The following ADAMTS17 variants were observed in gnomAD, a reference collection of about 807,000 sequenced individuals.
The protein encoded by ADAMTS17 is A disintegrin and metalloproteinase with thrombospondin motifs 17.
In ADAMTS17, 113 loss-of-function variants were observed where a neutral mutation model predicts 141.5. The ratio of observed to expected loss-of-function variants is 0.80; its 90% CI spans 0.69 to 0.93. The LOEUF (loss-of-function observed/expected upper bound fraction) is 0.93. Among genes scored for constraint, ADAMTS17 ranks in the 40% least tolerant of loss-of-function variants. The pLI, the probability that ADAMTS17 is intolerant of heterozygous loss-of-function variation, is 0.00. For synonymous variants in ADAMTS17, 768 were observed against 630.6 expected (o/e 1.22, Z -3.27); for missense variants, 1,659 against 1,517.9 (o/e 1.09, Z -1.54).
Position 100,108,995 on chromosome 15 carries a change from CT to C in ADAMTS17, c.2009del (p.Lys670SerfsTer33). On this transcript the variant is annotated frameshift_variant, in exon 14 of 22. Transcript: ENST00000268070. LOFTEE classifies it high-confidence loss of function. ...CGAAGGAGAAGTACGTCACCTGGCA[CT>C]TGCCGTGCACGCAGAGATCAGTCTC... is the stretch of plus-strand genomic sequence containing the variant. ...PYETDLCVHG[K>X]CQKIGCDGII... 1 of 1,614,050 alleles carries C rather than the reference CT, an allele frequency of 6.2e-7. No individual in the cohort carries two copies. The highest frequency in any genetic ancestry group is 8.5e-7 in the Non-Finnish European group (1 of 1,180,024).
chr15:100,065,728 A>G (rs2033469753), intron 15 of ADAMTS17, among the ~76,000 whole-genome samples: 1 of 152,096 alleles, frequency 6.6e-6, no homozygotes, highest in African/African-American at 2.4e-5. Flanking sequence ...TTTTACTTTA[A>G]GTTCTGGGAT....
rs146884023 is a variant in ADAMTS17 at position 100,233,174 on chromosome 15, C to T, written c.1075+20962G>A. ...TGAAATCCCGTCTCTACTAAAAAGA[C>T]AAAAAATGAGTCGGGCGTGGGGACG... On this transcript the variant is annotated intron_variant, in intron 7 of 21. Coordinates refer to ENST00000268070, the MANE Select transcript of ADAMTS17 (RefSeq NM_139057.4). Among the ~76,000 whole-genome samples the T allele has an allele frequency of 1.9e-3, 285 of 152,102 alleles. 7 individuals carry two copies. In the East Asian group the frequency reaches 0.046, roughly 24 times the overall value.
At chr15:100,005,108 C>T (rs897821765) in intron 18 of ADAMTS17, among the ~76,000 whole-genome samples, 9 of 152,212 alleles carry the variant, frequency 5.9e-5, no homozygotes, top group South Asian at 2.1e-4. Flanking sequence ...ATTCAGGGCA[C>T]CCCTTCTCCT....
intron 18 of ADAMTS17, among the ~76,000 whole-genome samples, chr15:99,999,811 C>T (rs116678727): frequency 0.013 from 1,980 of 152,196 alleles, 40 homozygotes; most frequent in African/African-American, 0.044. Flanking sequence ...ACTGGGGTGG[C>T]GCCGGCATCT....
intron 14 of ADAMTS17, among the ~76,000 whole-genome samples, chr15:100,102,420 CCGAAGGGGA>C (rs2036163397): frequency 1.3e-5 from 1 of 79,120 alleles, no homozygotes; most frequent in Admixed American, 1.3e-4. Flanking sequence ...TGAGGGCCGA[CCGAAGGGGA>C]TCTACATTTG....
In ADAMTS17 at chr15:100,152,047, T is replaced by C. The variant is rs560991334; in HGVS notation, c.1473+565A>G. Among the ~76,000 whole-genome samples, 19 of 152,306 alleles carry C rather than the reference T, an allele frequency of 1.2e-4. No individual in the cohort carries two copies. In the South Asian group the frequency reaches 2.1e-3, roughly 17 times the overall value. ...TCTCGGGAGCCATGGTGAAGACTAA[T>C]TGGGATCACACATGTTGGAAGCGTT... On this transcript the variant is annotated intron_variant, in intron 10 of 21. Transcript: ENST00000268070.
chr15:100,063,180 A>G (rs1478278496), intron 15 of ADAMTS17, among the ~76,000 whole-genome samples: 1 of 152,238 alleles, frequency 6.6e-6, no homozygotes, highest in Non-Finnish European at 1.5e-5. Flanking sequence ...GCTGGCCACT[A>G]GGAATTTGGG....
chr15:100,108,697 C>G (rs1460658948), intron 14 of ADAMTS17, among the ~76,000 whole-genome samples: 1 of 152,168 alleles, frequency 6.6e-6, no homozygotes, highest in East Asian at 1.9e-4. Flanking sequence ...ATCTTAGTAC[C>G]CTGCCTACCT....
chr15:100,046,341 G>A (rs10153001), intron 18 of ADAMTS17, among the ~76,000 whole-genome samples: 11,388 of 152,180 alleles, frequency 0.075, 1,384 homozygotes, highest in African/African-American at 0.25. Flanking sequence ...AAGCCAGGGC[G>A]TACTGTGAGA....
intron 14 of ADAMTS17, among the ~76,000 whole-genome samples, chr15:100,100,392 C>G (rs1407204029): frequency 6.6e-6 from 1 of 152,166 alleles, no homozygotes; most frequent in East Asian, 1.9e-4. Context: ...AGCTCTTAAG[C>G]CCACTTCTCC....
intron 15 of ADAMTS17, among the ~76,000 whole-genome samples, chr15:100,057,612 T>C (rs142469450): frequency 2.0e-5 from 3 of 152,142 alleles, no homozygotes; most frequent in East Asian, 3.8e-4. Flanking sequence ...CTTTAAGCAA[T>C]GGTACCCAGG....
intron 8 of ADAMTS17, among the ~76,000 whole-genome samples, chr15:100,171,126 G>C (rs895671189): frequency 3.3e-5 from 5 of 152,092 alleles, no homozygotes; most frequent in Admixed American, 3.3e-4. Context: ...AGTTGGAGGA[G>C]GGGATTAGCC....
At chr15:100,199,559 C>G in intron 7 of ADAMTS17, 136 bp from the exon 8 acceptor site, 1 of 780,860 alleles carries the variant, frequency 1.3e-6, no homozygotes, top group Non-Finnish European at 2.3e-6. Flanking sequence ...CCTCAGCCCA[C>G]CTGGGAAGGG....
At chr15:100,222,895 T>C (rs796523291) in intron 7 of ADAMTS17, among the ~76,000 whole-genome samples, 1 of 152,312 alleles carries the variant, frequency 6.6e-6, no homozygotes, top group African/African-American at 2.4e-5. Flanking sequence ...CAATGGTCTT[T>C]TGAATTGTGT....
chr15:100,240,458 C>T (rs898100933), intron 7 of ADAMTS17, among the ~76,000 whole-genome samples: 9 of 152,190 alleles, frequency 5.9e-5, no homozygotes, highest in Non-Finnish European at 8.8e-5. Context: ...AAAGCTTTGT[C>T]CTCCCACTCT....
chr15:100,243,952 T>C (rs979261267), intron 7 of ADAMTS17, among the ~76,000 whole-genome samples: 1 of 152,074 alleles, frequency 6.6e-6, no homozygotes, highest in African/African-American at 2.4e-5. Context: ...CAGGGGATAT[T>C]AGGTAAGTGT....
chr15:100,221,983 G>A (rs2042148684), intron 7 of ADAMTS17, among the ~76,000 whole-genome samples: 1 of 152,190 alleles, frequency 6.6e-6, no homozygotes, highest in South Asian at 2.1e-4. Flanking sequence ...TCATCACACA[G>A]AGGCACACAG....
intron 15 of ADAMTS17, among the ~76,000 whole-genome samples, chr15:100,085,794 G>C (rs1028228593): frequency 3.3e-5 from 5 of 151,352 alleles, no homozygotes; most frequent in Non-Finnish European, 1.5e-5. Context: ...ACAAGCAAAT[G>C]CTGAGAGATT....
chr15:100,118,298 C>T (rs148484642), intron 12 of ADAMTS17, among the ~76,000 whole-genome samples: 4 of 152,356 alleles, frequency 2.6e-5, no homozygotes, highest in African/African-American at 4.8e-5. Context: ...ATTTGGCCCA[C>T]GGGCCTTACT....
Sources: gnomAD v4.1 joint callset for allele counts (sites outside exome capture counted in the v4.1 genomes callset) on GRCh38, gnomAD v4.1.1 for gene constraint, MANE v1.5 for transcripts, NCBI Gene and HGNC (gene_info 2026-07-23, HGNC 2026-07-21) for gene names.